The following POLI variants were observed in gnomAD, a reference collection of about 807,000 sequenced individuals.
The protein encoded by POLI is DNA polymerase iota, also known as RAD30 homolog B.
Under a neutral mutation model 51.6 loss-of-function variants are expected in POLI, and 58 were observed. The observed-to-expected ratio is 1.12, with a 90% confidence interval of 0.91 to 1.40. The LOEUF is 1.40. Ranked by LOEUF, POLI falls within the 40% of genes most tolerant of loss-of-function variation. The pLI, the probability that POLI is intolerant of heterozygous loss-of-function variation, is 0.00. For missense variants in POLI, 921 were observed against 871.3 expected (o/e 1.06, Z -0.72); for synonymous variants, 322 against 299.7 (o/e 1.07, Z -0.77).
chr18:54,269,918 CTG>C (rs1321396651), intron 1 of POLI: 2 of 1,210,056 alleles, frequency 1.7e-6, no homozygotes, highest in East Asian at 7.1e-5. Flanking sequence ...GTCCTTTCCT[CTG>C]TGAGGGGCGA....
Position 54,291,813 on chromosome 18 carries a change from T to C in POLI, c.1199-20T>C, listed in dbSNP as rs552384673. The C allele has an allele frequency of 1.7e-6, 2 of 1,158,144 alleles. No individual in the cohort carries two copies. The highest frequency in any genetic ancestry group is 2.6e-5 in the South Asian group (2 of 76,660). 71.7% of individuals were successfully genotyped at this position (1,158,144 alleles called of 1,614,324 possible). A position where few individuals can be genotyped will look rare whatever the true frequency, so the allele number is the denominator to read the frequency against. ...CTCTTAATATTAATTATAATGTTTA[T>C]TCTTAAACATTTTATTTAGGAAATT... On this transcript the variant is annotated intron_variant, in intron 8 of 9. Transcript: ENST00000579534.
chr18:54,312,882 T>A (rs555747110), intron 3 of POLI, among the ~76,000 whole-genome samples: 3 of 152,300 alleles, frequency 2.0e-5, no homozygotes, highest in Admixed American at 6.5e-5. Context: ...TTGGAGATAT[T>A]TTCTCCCATT....
intron 4 of POLI, among the ~76,000 whole-genome samples, chr18:54,279,898 A>G (rs962189794): frequency 3.9e-5 from 6 of 152,346 alleles, no homozygotes; most frequent in Admixed American, 2.0e-4. Context: ...CTTTCTTGTT[A>G]TATAATAATA....
chr18:54,315,644 G>A (rs1440767429), intron 3 of POLI, among the ~76,000 whole-genome samples: 4 of 152,048 alleles, frequency 2.6e-5, no homozygotes, highest in African/African-American at 9.7e-5. Context: ...CCAATGTTGG[G>A]CGCATATATA....
At chr18:54,274,741 G>A (rs2087164018) in intron 3 of POLI, among the ~76,000 whole-genome samples, 1 of 152,038 alleles carries the variant, frequency 6.6e-6, no homozygotes, top group Non-Finnish European at 1.5e-5. Context: ...TTTTAATTGC[G>A]AAAACCGCAA....
Position 54,280,833 on chromosome 18 carries a change from A to G in POLI, c.726A>G (p.Gln242=), listed in dbSNP as rs780956935. The G allele has an allele frequency of 1.4e-5, 22 of 1,613,560 alleles. No individual in the cohort carries two copies. In the South Asian group the frequency reaches 2.0e-4, roughly 14 times the overall value. ...KLVSGVFKPN[Q]QTVLLPESCQ... is the part of the protein sequence containing the mutation. The stretch of plus-strand genomic sequence containing the variant: ...TTTCTGGTGTCTTTAAACCAAATCA[A>G]CAAACAGTCTTATTACCTGAAAGTT... The change falls in exon 5 of 10, where the codon CAA becomes CAG. Residue 242 remains glutamine, a synonymous_variant. Coordinates refer to ENST00000579534, the MANE Select transcript of POLI (RefSeq NM_007195.3).
intron 3 of POLI, among the ~76,000 whole-genome samples, chr18:54,318,062 G>A (rs1274820327): frequency 1.3e-5 from 2 of 151,904 alleles, no homozygotes; most frequent in Non-Finnish European, 2.9e-5. Flanking sequence ...TATTGAATTC[G>A]TGCAATATAG....
intron 5 of POLI, among the ~76,000 whole-genome samples, chr18:54,282,381 A>G (rs2087540903): frequency 6.6e-6 from 1 of 152,140 alleles, no homozygotes; most frequent in Admixed American, 6.6e-5. Flanking sequence ...CCTAGTTTGC[A>G]ATGGGGTTTG....
At chr18:54,315,766 A>G (rs1385734696) in intron 3 of POLI, among the ~76,000 whole-genome samples, 1 of 152,168 alleles carries the variant, frequency 6.6e-6, no homozygotes, top group Non-Finnish European at 1.5e-5. Flanking sequence ...TGATACAAAA[A>G]TAATGACCCC....
intron 7 of POLI, 115 bp from the exon 8 acceptor site, chr18:54,287,166 A>T: frequency 1.6e-6 from 1 of 637,392 alleles, no homozygotes. Context: ...TATCTGCTAT[A>T]TGTATAATTG....
rs147743358 is a variant in POLI, at chr18:54,287,168, GT to G, written c.1068-112del. On this transcript the variant is annotated intron_variant, in intron 7 of 9. Transcript: ENST00000579534. ...CTTACTATTTTGTTATCTGCTATATGTATAATTGTCATATTTAACAAAATCT... is the reference window on the plus strand; with the variant it reads ...CTTACTATTTTGTTATCTGCTATATGATAATTGTCATATTTAACAAAATCT... The G allele has an allele frequency of 3.7e-3, 2,475 of 664,444 alleles. 60 individuals carry two copies. The African/African-American group carries it at 0.041, about 11-fold the overall frequency. The allele number at this position is 664,444 out of a possible 1,614,324, so 41.2% of individuals were successfully genotyped here.
chr18:54,284,782 G>T (rs1233959657), intron 7 of POLI: 1 of 152,198 alleles, frequency 6.6e-6, no homozygotes, highest in Non-Finnish European at 1.5e-5. Flanking sequence ...ATCAACTGGG[G>T]TTATAAATAT....
intron 7 of POLI, among the ~76,000 whole-genome samples, chr18:54,285,749 G>T (rs2087715576): frequency 6.6e-6 from 1 of 151,978 alleles, no homozygotes; most frequent in Non-Finnish European, 1.5e-5. Flanking sequence ...AATATAACAC[G>T]TTTAACTGGA....
intron 2 of POLI, chr18:54,272,339 CTG>C (rs1182926317): frequency 6.6e-6 from 1 of 152,088 alleles, no homozygotes; most frequent in Admixed American, 6.5e-5. Flanking sequence ...AGTAGTAGCA[CTG>C]TGTTATAAGA....
intron 3 of POLI, among the ~76,000 whole-genome samples, chr18:54,308,368 T>A (rs887679163): frequency 1.3e-5 from 2 of 152,202 alleles, no homozygotes; most frequent in African/African-American, 4.8e-5. Context: ...TATGAAATTG[T>A]GGGTTGGAAA....
Position 54,269,537 on chromosome 18 carries a change from C to T in POLI, c.-10C>T. ...CGGCCGGAAGTAGCGCTGCGGTTGGCAGCGGCGGGATGGAGAAGCTGGGGG... is the reference window on the plus strand; with the variant it reads ...CGGCCGGAAGTAGCGCTGCGGTTGGTAGCGGCGGGATGGAGAAGCTGGGGG... On this transcript the variant is annotated 5_prime_UTR_variant, in exon 1 of 10. Transcript: ENST00000579534. The T allele has an allele frequency of 6.6e-7, 1 of 1,507,118 alleles. No homozygotes were observed. The highest frequency in any genetic ancestry group is 8.8e-7 in the Non-Finnish European group (1 of 1,132,184). 93.4% of individuals were successfully genotyped at this position (1,507,118 alleles called of 1,614,324 possible).
At chr18:54,321,266 A>G (rs950734422) in exon 5 of POLI, 3 of 152,198 alleles carry the variant, frequency 2.0e-5, no homozygotes, top group African/African-American at 7.2e-5. Flanking sequence ...ATTTAACCTT[A>G]TGAGATTGGC....
At position 54,269,661 on chromosome 18, in the gene POLI, G is replaced by T. The variant is rs1217900690; in HGVS notation, c.115G>T (p.Gly39Ter). 2.7e-6 allele frequency: 4 copies of T among 1,505,788 alleles called. No individual in the cohort carries two copies. The highest frequency in any genetic ancestry group is 2.2e-5 in the Admixed American group (1 of 45,358). The allele number at this position is 1,505,788 out of a possible 1,614,324, so 93.3% of individuals were successfully genotyped here. A position where few individuals can be genotyped will look rare whatever the true frequency, so the allele number is the denominator to read the frequency against. Residue 39 changes from glycine to a stop codon, truncating the protein, a stop_gained and splice_region_variant, in exon 1 of 10, where the codon GGA (glycine) becomes TGA (stop). Transcript: ENST00000579534. LOFTEE classifies it high-confidence loss of function. ...ADVGAAASSQGVHDQVLPTPN... is the reference protein window; with the variant it reads ...ADVGAAASSQ ...CGTGGGGGCGGCAGCCAGCTCGCAG[G>T]GTGCGCCGCAGCCAGAGGAGCCAGC...
downstream of POLI, among the ~76,000 whole-genome samples, chr18:54,300,443 C>T (rs1028708079): frequency 8.6e-5 from 13 of 151,692 alleles, no homozygotes; most frequent in Non-Finnish European, 1.6e-4. Flanking sequence ...CTAAAATAAC[C>T]ACTGAAATAG....
Sources: allele counts gnomAD v4.1 joint callset (sites outside exome capture counted in the v4.1 genomes callset), GRCh38; gene constraint gnomAD v4.1.1; transcripts MANE v1.5; gene names NCBI Gene and HGNC (gene_info 2026-07-23, HGNC 2026-07-21).